MLLT10: variants seen among roughly 807,000 people sequenced by gnomAD.
The protein encoded by MLLT10 is protein AF-10.
MLLT10 carries 30 observed loss-of-function variants against 129.1 expected under a neutral mutation model. That is an observed-to-expected ratio of 0.23 (90% CI 0.17 to 0.32). MLLT10 has a LOEUF of 0.32. Among genes scored for constraint, MLLT10 ranks in the 10% least tolerant of loss-of-function variants. The pLI, the probability that MLLT10 is intolerant of heterozygous loss-of-function variation, is 1.00. For synonymous variants in MLLT10, 490 were observed against 446.4 expected (o/e 1.10, Z -1.23); for missense variants, 1,119 against 1,268.3 (o/e 0.88, Z 1.79).
At chr10:21,625,506 C>T (rs2046344907) in intron 8 of MLLT10, 1 of 955,254 alleles carries the variant, frequency 1.0e-6, no homozygotes, top group Non-Finnish European at 1.7e-6. Flanking sequence ...CTACATTTCC[C>T]CATACTTTTA....
intron 14 of MLLT10, among the ~76,000 whole-genome samples, chr10:21,717,992 C>T (rs1344830747): frequency 6.6e-6 from 1 of 151,032 alleles, no homozygotes; most frequent in Non-Finnish European, 1.5e-5. Flanking sequence ...CTACAGGTGC[C>T]CGCCACCACG....
At chr10:21,633,870 C>T (rs2047219516) in intron 8 of MLLT10, among the ~76,000 whole-genome samples, 1 of 152,148 alleles carries the variant, frequency 6.6e-6, no homozygotes, top group Non-Finnish European at 1.5e-5. Flanking sequence ...CCAAGCATCT[C>T]GTTGTTCGAG....
At chr10:21,647,268 A>G (rs773220788) in intron 8 of MLLT10, among the ~76,000 whole-genome samples, 5 of 152,058 alleles carry the variant, frequency 3.3e-5, no homozygotes, top group Non-Finnish European at 7.4e-5. Flanking sequence ...AAATAGAAGT[A>G]TGATAAACTG....
rs1014012309 is a variant in MLLT10 at position 21,742,274 on chromosome 10, ACT to A, written c.*293_*294del. 3.0e-6 allele frequency: 1 copy of A among 336,190 alleles called. No individual in the cohort carries two copies. Among genetic ancestry groups the A allele is most frequent in the Admixed American group, 4.7e-5 (1 of 21,136 alleles). The allele number at this position is 336,190 out of a possible 1,614,324, so 20.8% of individuals were successfully genotyped here. ...TAATTTACATGCAATATGTTTATCA[ACT>A]CAAGAATTTAATATAGTTGGTACAC... On this transcript the variant is annotated 3_prime_UTR_variant, in exon 23 of 23. Transcript: ENST00000307729.
chr10:21,662,400 G>T (rs1432849969), intron 9 of MLLT10, among the ~76,000 whole-genome samples: 1 of 151,770 alleles, frequency 6.6e-6, no homozygotes, highest in Non-Finnish European at 1.5e-5. Context: ...GTTTGCTTTT[G>T]TTTTCCAGTC....
At chr10:21,672,167 C>CTGTGTGTGTG (rs1252360576) in intron 10 of MLLT10, among the ~76,000 whole-genome samples, 10 of 76,604 alleles carry the variant, frequency 1.3e-4, no homozygotes, top group African/African-American at 3.4e-4. Flanking sequence ...TCCAGGTTTT[C>CTGTGTGTGTG]AGTGTGTGTG....
At chr10:21,705,038 G>A (rs2055361791) in intron 13 of MLLT10, among the ~76,000 whole-genome samples, 1 of 152,116 alleles carries the variant, frequency 6.6e-6, no homozygotes. Flanking sequence ...GCCTCGAGGT[G>A]GAGGCCCATA....
chr10:21,588,367 T>C (rs1451962193), intron 4 of MLLT10, among the ~76,000 whole-genome samples: 1 of 152,182 alleles, frequency 6.6e-6, no homozygotes, highest in Non-Finnish European at 1.5e-5. Context: ...GCACCCGGCA[T>C]GAACAGTTTA....
intron 14 of MLLT10, 37 bp from the exon 15 acceptor site, chr10:21,726,207 A>G: frequency 7.7e-7 from 1 of 1,303,948 alleles, no homozygotes; most frequent in Admixed American, 1.8e-5. Context: ...ATATTTTCAC[A>G]TATAATTCAT....
At chr10:21,612,311 A>T (rs1302438078) in intron 5 of MLLT10, 37 bp from the exon 6 acceptor site, 3 of 1,274,462 alleles carry the variant, frequency 2.4e-6, no homozygotes, top group Non-Finnish European at 3.3e-6. Context: ...TGTTAAGAAC[A>T]TGTATGATTT....
Position 21,534,633 on chromosome 10 carries a change from A to C in MLLT10, c.1-12A>C, listed in dbSNP as rs199921793. 6.3e-7 allele frequency: 1 copy of C among 1,597,370 alleles called. No homozygotes were observed. The highest frequency in any genetic ancestry group is 1.1e-5 in the South Asian group (1 of 89,124). On this transcript the variant is annotated splice_polypyrimidine_tract_variant and intron_variant, in intron 1 of 22. Transcript: ENST00000307729. ...CATGTGTTTTTTAATGGTCCCCCCA[A>C]CTCCCTCTTAGATGGTCTCTAGCGA...
chr10:21,579,137 T>C (rs2041102950), intron 3 of MLLT10, among the ~76,000 whole-genome samples: 1 of 152,242 alleles, frequency 6.6e-6, no homozygotes, highest in Admixed American at 6.5e-5. Context: ...TAGAATTCTG[T>C]GTTGACGGTG....
At chr10:21,649,186 C>T (rs2048786660) in intron 8 of MLLT10, among the ~76,000 whole-genome samples, 1 of 152,172 alleles carries the variant, frequency 6.6e-6, no homozygotes, top group Non-Finnish European at 1.5e-5. Flanking sequence ...AGCAATCCTC[C>T]CGCCTTGGCC....
chr10:21,573,609 T>TA (rs1332072093), intron 3 of MLLT10, among the ~76,000 whole-genome samples: 1 of 151,924 alleles, frequency 6.6e-6, no homozygotes, highest in Non-Finnish European at 1.5e-5. Context: ...TTTTTTTTTT[T>TA]AGTGATGGGT....
chr10:21,605,923 T>A lies in MLLT10; in HGVS notation c.406-6425T>A, dbSNP rs116084955. On this transcript the variant is annotated intron_variant, in intron 5 of 22. Transcript: ENST00000307729. ...ATTGTACTTCACAGGAAATTGCATG[T>A]TTTTTTTCTTTTTTACCGAATTGAA... Among the ~76,000 whole-genome samples, 3 of 152,114 alleles carry A rather than the reference T, an allele frequency of 2.0e-5. No homozygotes were observed. The East Asian group carries it at 5.8e-4, about 29-fold the overall frequency.
chr10:21,651,733 G>A lies in MLLT10; in HGVS notation c.760G>A (p.Ala254Thr), dbSNP rs777772712. 1 of 1,613,160 alleles carries A rather than the reference G, an allele frequency of 6.2e-7. No homozygotes were observed. The highest frequency in any genetic ancestry group is 1.1e-5 in the South Asian group (1 of 90,948). ...KHKKQPEPSP[A>T]LVPSLTVTTE... ...CAAGAAGCAGCCAGAACCATCACCT[G>A]CATTGGTTCCATCCTTGACTGTTAC... The change falls in exon 9 of 23, where the codon GCA (alanine) becomes ACA (threonine). Residue 254 changes from alanine to threonine, a missense_variant. Ala to Thr is a moderately conservative substitution (Grantham distance 58). Around this residue, in one of 5 missense-constraint regions of MLLT10, gnomAD observed 1,004 missense variants for 1,008.7 expected, o/e 1.00. Coordinates refer to ENST00000307729, the MANE Select transcript of MLLT10 (RefSeq NM_001195626.3).
chr10:21,563,699 A>G (rs576980560), intron 3 of MLLT10, among the ~76,000 whole-genome samples: 2 of 152,216 alleles, frequency 1.3e-5, no homozygotes, highest in African/African-American at 4.8e-5. Context: ...GTTATTAAGA[A>G]TAAAACTGTT....
Position 21,741,979 on chromosome 10 carries a change from G to T in MLLT10, c.3203G>T (p.Ser1068Ile), listed in dbSNP as rs1833733398. The change falls in exon 23 of 23, where the codon AGT becomes ATT. Residue 1068 changes from serine (S) to isoleucine (I), a missense_variant. By Grantham distance (142) the Ser-to-Ile change is moderately radical. Coordinates refer to ENST00000307729, the MANE Select transcript of MLLT10 (RefSeq NM_001195626.3). ...DKTGPVAQEK[S>I] The stretch of plus-strand genomic sequence containing the variant: ...ACTGGGCCTGTAGCTCAAGAGAAAA[G>T]TTGACACCTGAGAAACATCTAGAAA... The T allele has an allele frequency of 1.1e-5, 17 of 1,612,256 alleles. No homozygotes were observed. Among genetic ancestry groups the T allele is most frequent in the Non-Finnish European group, 1.4e-5 (17 of 1,179,660 alleles).
chr10:21,648,070 G>A (rs1784048134), intron 8 of MLLT10, among the ~76,000 whole-genome samples: 1 of 152,016 alleles, frequency 6.6e-6, no homozygotes, highest in African/African-American at 2.4e-5. Context: ...CCATTATTAA[G>A]TAATTTTAGT....
Sources: allele counts gnomAD v4.1 joint callset (sites outside exome capture counted in the v4.1 genomes callset), GRCh38; gene constraint gnomAD v4.1.1; regional missense constraint gnomAD v4.1.1; transcripts MANE v1.5; gene names NCBI Gene and HGNC (gene_info 2026-07-23, HGNC 2026-07-21).